Variants in PRDM7 observed in about 807,000 individuals in gnomAD.
The protein encoded by PRDM7 is histone-lysine N-methyltransferase PRDM7.
In PRDM7, 52 loss-of-function variants were observed where a neutral mutation model predicts 64.3. That is an observed-to-expected ratio of 0.81 (90% CI 0.65 to 1.02). The LOEUF is 1.02. PRDM7 is among the 50% of genes least tolerant of loss of function. PRDM7 has a pLI of 0.00. For missense variants in PRDM7, 574 were observed against 597.1 expected (o/e 0.96, Z 0.40); for synonymous variants, 192 against 210.1 (o/e 0.91, Z 0.74).
rs1264862955 is a variant in PRDM7 at position 90,065,407 on chromosome 16, A to G, written c.351+1454T>C. Among the ~76,000 whole-genome samples the G allele has an allele frequency of 1.6e-3, 234 of 148,566 alleles. 13 individuals carry two copies. Among genetic ancestry groups the G allele is most frequent in the African/African-American group, 5.6e-3 (222 of 39,394 alleles). ...AAACTCTGTCTGAAAAAAAAAAAAAAAAAAGAAAGAAAAGAAAAGAAAAGA... is the reference window on the plus strand; with the variant it reads ...AAACTCTGTCTGAAAAAAAAAAAAAGAAAAGAAAGAAAAGAAAAGAAAAGA... On this transcript the variant is annotated intron_variant, in intron 5 of 10. Coordinates refer to ENST00000449207, the MANE Select transcript of PRDM7 (RefSeq NM_001098173.2).
At position 90,058,175 on chromosome 16, in the gene PRDM7, G is replaced by A. The variant is rs959874462; in HGVS notation, c.*114C>T. The A allele has an allele frequency of 1.7e-5, 28 of 1,614,020 alleles. 1 individual carries two copies. The highest frequency in any genetic ancestry group is 1.6e-4 in the Middle Eastern group (1 of 6,084). On this transcript the variant is annotated 3_prime_UTR_variant, in exon 11 of 11. Coordinates refer to ENST00000449207, the MANE Select transcript of PRDM7 (RefSeq NM_001098173.2). ...CCTGTGTTCCCTGGATTCACTTTCTGGCCTGTTCTGGACTCTTCTTCCATC... is the reference window on the plus strand; with the variant it reads ...CCTGTGTTCCCTGGATTCACTTTCTAGCCTGTTCTGGACTCTTCTTCCATC...
Position 90,075,215 on chromosome 16 carries a change from A to T in PRDM7, c.193+136T>A. 1 of 1,521,034 alleles carries T rather than the reference A, an allele frequency of 6.6e-7. No individual in the cohort carries two copies. Among genetic ancestry groups the T allele is most frequent in the South Asian group, 1.2e-5 (1 of 86,086 alleles). 94.2% of individuals were successfully genotyped at this position (1,521,034 alleles called of 1,614,324 possible). On this transcript the variant is annotated intron_variant, in intron 3 of 10. Transcript: ENST00000449207. The surrounding 1 kb of genome is among the most constrained non-coding windows in gnomAD (Gnocchi z 4.3). ...AACCCTGCACTGACGCAAAAGAACA[A>T]TATTTCCCTCCAGATTTGTCTCCGT...
Position 90,057,546 on chromosome 16 carries a change from T to A in PRDM7, c.*743A>T. 3.2e-6 allele frequency: 1 copy of A among 311,376 alleles called. No homozygotes were observed. The highest frequency in any genetic ancestry group is 4.6e-5 in the Admixed American group (1 of 21,558). 19.3% of individuals were successfully genotyped at this position (311,376 alleles called of 1,614,324 possible). On this transcript the variant is annotated 3_prime_UTR_variant, in exon 11 of 11. Coordinates refer to ENST00000449207, the MANE Select transcript of PRDM7 (RefSeq NM_001098173.2). Reference sequence around the variant, plus strand: ...GGTTCAGATATGTATGGAGACAAAATTAATTAGAACAGGAGGCAAAACACA... The same window carrying A: ...GGTTCAGATATGTATGGAGACAAAAATAATTAGAACAGGAGGCAAAACACA...
chr16:90,072,307 A>G (rs1464039094), intron 4 of PRDM7, among the ~76,000 whole-genome samples: 1 of 152,214 alleles, frequency 6.6e-6, no homozygotes, highest in Non-Finnish European at 1.5e-5. Context: ...ATTATTCACA[A>G]TAGACAAGAG....
chr16:90,061,610 G>T, intron 8 of PRDM7, 91 bp from the exon 9 acceptor site: 2 of 1,451,350 alleles, frequency 1.4e-6, no homozygotes, highest in African/African-American at 1.4e-5. Context: ...CTTTGGACCT[G>T]CAGAGCTTCA....
At chr16:90,064,427 G>C (rs1321926367) in intron 5 of PRDM7, among the ~76,000 whole-genome samples, 1 of 151,924 alleles carries the variant, frequency 6.6e-6, no homozygotes. Flanking sequence ...GTTTTGTTTT[G>C]TTTTGAAAAG....
At chr16:90,063,825 G>A in intron 5 of PRDM7, 57 bp from the exon 6 acceptor site, 1 of 1,585,092 alleles carries the variant, frequency 6.3e-7, no homozygotes, top group East Asian at 2.2e-5. Context: ...GTTCTTTACG[G>A]CTTGCAACAT....
rs1253831521 is a variant in PRDM7 at position 90,056,729 on chromosome 16, CAG to C, written c.*1558_*1559del. ...GATTGAGCAAGCAGGGGGTAGGTGA[CAG>C]GGGCTGCATGCACCGATGGTCAGAG... On this transcript the variant is annotated 3_prime_UTR_variant, in exon 11 of 11. Coordinates refer to ENST00000449207, the MANE Select transcript of PRDM7 (RefSeq NM_001098173.2). 2 of 152,188 alleles carry C rather than the reference CAG, an allele frequency of 1.3e-5. No individual in the cohort carries two copies. Among genetic ancestry groups the C allele is most frequent in the African/African-American group, 2.4e-5 (1 of 41,424 alleles). 9.4% of individuals were successfully genotyped at this position (152,188 alleles called of 1,614,324 possible).
chr16:90,063,934 G>A (rs1273853379), intron 5 of PRDM7, among the ~76,000 whole-genome samples, 166 bp from the exon 6 acceptor site: 4 of 152,158 alleles, frequency 2.6e-5, no homozygotes, highest in Non-Finnish European at 5.9e-5. Context: ...AGTGAATCTG[G>A]GACTCTAACC....
intron 5 of PRDM7, among the ~76,000 whole-genome samples, chr16:90,065,412 G>T (rs1389170867): frequency 8.1e-6 from 1 of 123,482 alleles, no homozygotes; most frequent in Non-Finnish European, 1.7e-5. Flanking sequence ...AAAAAAAAAA[G>T]AAAGAAAAGA....
At position 90,056,580 on chromosome 16, in the gene PRDM7, G is replaced by A. The variant is rs918352439; in HGVS notation, c.*1709C>T. On this transcript the variant is annotated 3_prime_UTR_variant, in exon 11 of 11. Coordinates refer to ENST00000449207, the MANE Select transcript of PRDM7 (RefSeq NM_001098173.2). The stretch of plus-strand genomic sequence containing the variant: ...CAGACACAGAGTTAAAGAAGGAAGC[G>A]GTTTATTCGGCCAGGAGCATCAGCA... The A allele has an allele frequency of 6.6e-6, 1 of 152,180 alleles. No individual in the cohort carries two copies. Among genetic ancestry groups the A allele is most frequent in the East Asian group, 1.9e-4 (1 of 5,192 alleles). 9.4% of individuals were successfully genotyped at this position (152,180 alleles called of 1,614,324 possible).
chr16:90,060,707 A>C, intron 9 of PRDM7, 84 bp from the exon 10 acceptor site: 1 of 1,569,442 alleles, frequency 6.4e-7, no homozygotes, highest in Non-Finnish European at 8.8e-7. Flanking sequence ...CCTGCCTAGA[A>C]TGCTTCCCTG....
rs561850645 is a variant in PRDM7, at chr16:90,067,792, G to A, written c.302-882C>T. Among the ~76,000 whole-genome samples the A allele has an allele frequency of 6.6e-5, 10 of 150,704 alleles. No individual in the cohort carries two copies. In the East Asian group the frequency reaches 1.8e-3, roughly 26 times the overall value. ...TTTTTAGTAGAGATGGGGTTTCACC[G>A]TGTTAGCCAGGATGGTCTCGGTCTC... On this transcript the variant is annotated intron_variant, in intron 4 of 10. Transcript: ENST00000449207.
chr16:90,068,875 G>A (rs62054655), intron 4 of PRDM7, among the ~76,000 whole-genome samples: 11,583 of 151,120 alleles, frequency 0.077, 856 homozygotes, highest in East Asian at 0.15. Context: ...GACACAAATA[G>A]ATGGAAGACA....
In PRDM7 at chr16:90,058,235, C is replaced by T; in HGVS notation, c.*54G>A. The T allele has an allele frequency of 6.2e-7, 1 of 1,614,150 alleles. No homozygotes were observed. Among genetic ancestry groups the T allele is most frequent in the Non-Finnish European group, 8.5e-7 (1 of 1,180,008 alleles). On this transcript the variant is annotated 3_prime_UTR_variant, in exon 11 of 11. Coordinates refer to ENST00000449207, the MANE Select transcript of PRDM7 (RefSeq NM_001098173.2). ...CCCACTCTAGAGCTCCCCATTTGTC[C>T]TTTGGGTGGGCTAGAAAAGGCCCTT...
chr16:90,073,852 G>A (rs2151313767), intron 4 of PRDM7, among the ~76,000 whole-genome samples: 1 of 150,900 alleles, frequency 6.6e-6, no homozygotes, highest in South Asian at 2.1e-4. Context: ...GCACGATTTC[G>A]GCTCACTGCC....
At position 90,074,283 on chromosome 16, in the gene PRDM7, G is replaced by GTCATCATCATCATCA. The variant is rs59691191; in HGVS notation, c.301+618_301+632dup. On this transcript the variant is annotated intron_variant, in intron 4 of 10. Transcript: ENST00000449207. ...TGTAATAATAGTAACAATCATCATC[G>GTCATCATCATCATCA]TCATCATCATCATCATCATCATCAT... Among the ~76,000 whole-genome samples the GTCATCATCATCATCA allele has an allele frequency of 2.0e-5, 3 of 147,974 alleles. No homozygotes were observed. In the East Asian group the frequency reaches 6.2e-4, roughly 31 times the overall value.
Position 90,062,071 on chromosome 16 carries a change from C to G in PRDM7, c.732G>C (p.Pro244=), listed in dbSNP as rs199543976. The G allele has an allele frequency of 4.3e-6, 7 of 1,614,122 alleles. No homozygotes were observed. The African/African-American group carries it at 5.3e-5, about 12-fold the overall frequency. The change falls in exon 8 of 11, where the codon CCG becomes CCC. Residue 244 remains proline, a synonymous_variant. Coordinates refer to ENST00000449207, the MANE Select transcript of PRDM7 (RefSeq NM_001098173.2). The stretch of plus-strand genomic sequence containing the variant: ...TGCCTGATGGCCCAATTCTCAGCCC[C>G]GGGGGCAGACTGAGGGCTGAACGGT... ...HPNRSALSLP[P]GLRIGPSGIP... is the part of the protein sequence containing the mutation.
Position 90,063,848 on chromosome 16 carries a change from C to T in PRDM7, c.352-80G>A. ...CGGCTTGCAACATGTTTTCATATGACTGTAGTTAATGTTCAAACCTTGGAA... is the reference window on the plus strand; with the variant it reads ...CGGCTTGCAACATGTTTTCATATGATTGTAGTTAATGTTCAAACCTTGGAA... On this transcript the variant is annotated intron_variant, in intron 5 of 10. Transcript: ENST00000449207. 2.0e-6 allele frequency: 3 copies of T among 1,523,864 alleles called. No homozygotes were observed. In the South Asian group the frequency reaches 3.5e-5, roughly 18 times the overall value. 94.4% of individuals were successfully genotyped at this position (1,523,864 alleles called of 1,614,324 possible). A position where few individuals can be genotyped will look rare whatever the true frequency, so the allele number is the denominator to read the frequency against.
Sources: gnomAD v4.1 joint callset for allele counts (sites outside exome capture counted in the v4.1 genomes callset) on GRCh38, gnomAD v4.1.1 for gene constraint, Gnocchi (gnomAD v3.1) non-coding constraint, MANE v1.5 for transcripts, NCBI Gene and HGNC (gene_info 2026-07-23, HGNC 2026-07-21) for gene names.